The following DPY19L3 variants were observed in gnomAD, a reference collection of about 807,000 sequenced individuals.
DPY19L3 encodes dpy-19 like C-mannosyltransferase 3, also known as protein C-mannosyl-transferase DPY19L3.
DPY19L3 carries 51 observed loss-of-function variants against 92.3 expected under a neutral mutation model. That is an observed-to-expected ratio of 0.55 (90% CI 0.44 to 0.70). The LOEUF (loss-of-function observed/expected upper bound fraction) is 0.70, where lower values mean the gene tolerates loss of function less well. DPY19L3 is among the 30% of genes least tolerant of loss of function. DPY19L3 has a pLI of 0.00. For missense variants in DPY19L3, 706 were observed against 855.9 expected (o/e 0.82, Z 2.18); for synonymous variants, 309 against 315.2 (o/e 0.98, Z 0.21).
chr19:32,413,622 CCA>C (rs1394350772), intron 3 of DPY19L3, among the ~76,000 whole-genome samples: 2 of 147,546 alleles, frequency 1.4e-5, no homozygotes, highest in African/African-American at 2.5e-5. Flanking sequence ...ACAACAGTCC[CCA>C]GAGTGTGATG....
chr19:32,456,236 G>A (rs116505627), intron 10 of DPY19L3, among the ~76,000 whole-genome samples: 64 of 151,760 alleles, frequency 4.2e-4, no homozygotes, highest in African/African-American at 1.4e-3. Context: ...CCACCACACC[G>A]GCTAATTTTT....
chr19:32,450,570 A>T (rs1969666937), intron 8 of DPY19L3, among the ~76,000 whole-genome samples: 1 of 152,222 alleles, frequency 6.6e-6, no homozygotes, highest in South Asian at 2.1e-4. Flanking sequence ...ACATGGTGCA[A>T]CATGGATGAA....
intron 16 of DPY19L3, among the ~76,000 whole-genome samples, chr19:32,473,224 T>G (rs1323152810): frequency 6.6e-6 from 1 of 152,244 alleles, no homozygotes. Context: ...TGTCATTATT[T>G]AGTGACATTT....
Position 32,463,975 on chromosome 19 carries a change from A to G in DPY19L3, c.1552A>G (p.Lys518Glu), listed in dbSNP as rs1489581619. 3.1e-6 allele frequency: 5 copies of G among 1,608,492 alleles called. No individual in the cohort carries two copies. Among genetic ancestry groups the G allele is most frequent in the Non-Finnish European group, 4.3e-6 (5 of 1,175,774 alleles). ...GAAGTCAGTCCATCTTTATAACCCA[A>G]AGAGGGTCAGTGTCATCCCTTTTTC... ...LLKSVHLYNP[K>E]RICIMRYSVP... The change falls in exon 14 of 19, where the codon AAG becomes GAG. Residue 518 changes from lysine (K) to glutamate (E), a missense_variant. By Grantham distance (56) the Lys-to-Glu change is moderately conservative. Coordinates refer to ENST00000392250, the MANE Select transcript of DPY19L3 (RefSeq NM_001172774.2).
chr19:32,471,119 T>G (rs1970345248), intron 16 of DPY19L3, among the ~76,000 whole-genome samples: 1 of 152,204 alleles, frequency 6.6e-6, no homozygotes, highest in African/African-American at 2.4e-5. Flanking sequence ...ACGTAAAATA[T>G]GACCTTCAAG....
intron 6 of DPY19L3, among the ~76,000 whole-genome samples, chr19:32,438,354 A>C (rs1224137615): frequency 1.3e-5 from 2 of 152,264 alleles, no homozygotes; most frequent in East Asian, 3.9e-4. Context: ...TATTATTATT[A>C]TCCCCATTTT....
At chr19:32,481,892 T>A in intron 18 of DPY19L3, 187 bp from the exon 19 acceptor site, 1 of 628,224 alleles carries the variant, frequency 1.6e-6, no homozygotes. Context: ...CTTCTCAGCC[T>A]TGGTCTGCAC....
intron 3 of DPY19L3, among the ~76,000 whole-genome samples, chr19:32,427,057 G>C (rs758959257): frequency 1.3e-5 from 2 of 152,078 alleles, no homozygotes; most frequent in Non-Finnish European, 1.5e-5. Flanking sequence ...GCAGAGGTGC[G>C]ATCTCGGCTC....
intron 8 of DPY19L3, among the ~76,000 whole-genome samples, chr19:32,441,421 AC>A (rs1969318668): frequency 6.6e-6 from 1 of 152,116 alleles, no homozygotes; most frequent in Non-Finnish European, 1.5e-5. Context: ...ACAGTCAGCT[AC>A]ACGATTGATG....
intron 10 of DPY19L3, 75 bp downstream of exon 10, chr19:32,455,115 C>G: frequency 9.8e-7 from 1 of 1,023,938 alleles, no homozygotes; most frequent in Non-Finnish European, 1.4e-6. Context: ...TTGAAACTTT[C>G]TTTTTCTTTT....
At chr19:32,424,172 T>C (rs928995446) in intron 3 of DPY19L3, among the ~76,000 whole-genome samples, 2 of 151,344 alleles carry the variant, frequency 1.3e-5, no homozygotes, top group East Asian at 2.0e-4. Context: ...TTTAAAAAAT[T>C]AGCTGGGTGT....
intron 16 of DPY19L3, among the ~76,000 whole-genome samples, chr19:32,472,276 T>C (rs1464206565): frequency 2.0e-5 from 3 of 152,170 alleles, no homozygotes; most frequent in East Asian, 1.9e-4. Context: ...TGCTCTTTTT[T>C]ACAAGGATGG....
chr19:32,458,603 C>T, intron 12 of DPY19L3, 94 bp downstream of exon 12: 2 of 1,266,190 alleles, frequency 1.6e-6, no homozygotes, highest in Non-Finnish European at 2.2e-6. Context: ...ATATCAGACA[C>T]AAGTAATAGT....
intron 13 of DPY19L3, among the ~76,000 whole-genome samples, 161 bp downstream of exon 13, chr19:32,463,649 G>C (rs985464037): frequency 1.4e-4 from 22 of 152,222 alleles, no homozygotes; most frequent in African/African-American, 4.6e-4. Context: ...CTCAACATCA[G>C]TTTTTACAAT....
chr19:32,462,229 C>T (rs1970062163), intron 12 of DPY19L3, among the ~76,000 whole-genome samples: 1 of 151,964 alleles, frequency 6.6e-6, no homozygotes, highest in South Asian at 2.1e-4. Flanking sequence ...AGTTTAGTAG[C>T]TGAATGTATC....
intron 15 of DPY19L3, among the ~76,000 whole-genome samples, chr19:32,467,313 T>C (rs1568357060): frequency 6.6e-6 from 1 of 152,220 alleles, no homozygotes; most frequent in Non-Finnish European, 1.5e-5. Flanking sequence ...ATTCATTGAG[T>C]TCACAGATTT....
At chr19:32,418,675 A>T (rs1046242661) in intron 3 of DPY19L3, among the ~76,000 whole-genome samples, 1 of 152,164 alleles carries the variant, frequency 6.6e-6, no homozygotes, top group Admixed American at 6.5e-5. Context: ...ATTATTTGAG[A>T]AGAGTAAATC....
At position 32,411,250 on chromosome 19, in the gene DPY19L3, A is replaced by G; in HGVS notation, c.115A>G (p.Arg39Gly). Reference protein sequence around the residue: ...ENKLPSGCTSRRLWKILSLTI... With the variant: ...ENKLPSGCTSGRLWKILSLTI... ...CATTTTTCCAAAAGGTTGTACCAGTAGAAGATTATGGAAGATTTTGTCATT... is the reference window on the plus strand; with the variant it reads ...CATTTTTCCAAAAGGTTGTACCAGTGGAAGATTATGGAAGATTTTGTCATT... Residue 39 changes from arginine to glycine, a missense_variant, in exon 3 of 19, where the codon AGA becomes GGA. Physicochemically the swap from Arg to Gly is moderately radical, Grantham distance 125. Coordinates refer to ENST00000392250, the MANE Select transcript of DPY19L3 (RefSeq NM_001172774.2). 6.2e-7 allele frequency: 1 copy of G among 1,611,450 alleles called. No homozygotes were observed. The highest frequency in any genetic ancestry group is 1.3e-5 in the African/African-American group (1 of 74,938).
intron 8 of DPY19L3, among the ~76,000 whole-genome samples, chr19:32,444,131 C>T (rs1292022567): frequency 5.3e-5 from 8 of 150,882 alleles, no homozygotes; most frequent in African/African-American, 1.9e-4. Flanking sequence ...CACTGAGATA[C>T]ACAGAAATTG....
Sources: allele counts gnomAD v4.1 joint callset (sites outside exome capture counted in the v4.1 genomes callset), GRCh38; gene constraint gnomAD v4.1.1; transcripts MANE v1.5; gene names NCBI Gene and HGNC (gene_info 2026-07-23, HGNC 2026-07-21).